The following NAV2 variants were observed in gnomAD, a reference collection of about 807,000 sequenced individuals.
NAV2 encodes helicase, APC down-regulated 1.
A neutral mutation model predicts 223.2 loss-of-function variants in NAV2; 54 were observed. The observed-to-expected ratio is 0.24, with a 90% CI of 0.19 to 0.30. The LOEUF (loss-of-function observed/expected upper bound fraction) is 0.30. NAV2 is among the 10% of genes least tolerant of loss of function. The probability of loss-of-function intolerance (pLI) is 1.00; values close to 1 mark genes in which losing one functional copy is unlikely to be tolerated. For missense variants in NAV2, 2,806 were observed against 3,147.5 expected (o/e 0.89, Z 2.60); for synonymous variants, 1,279 against 1,239.3 (o/e 1.03, Z -0.67).
chr11:19,552,645 G>A (rs375986012), intron 1 of NAV2, among the ~76,000 whole-genome samples: 81 of 152,320 alleles, frequency 5.3e-4, no homozygotes, highest in African/African-American at 1.9e-3. Context: ...AAGGACGGTA[G>A]GACCATAAAT....
chr11:19,877,043 G>A (rs1290624771), intron 4 of NAV2, among the ~76,000 whole-genome samples: 2 of 151,418 alleles, frequency 1.3e-5, no homozygotes, highest in Admixed American at 6.6e-5. Context: ...AAAACATGAT[G>A]GCTATACAAG....
intron 1 of NAV2, among the ~76,000 whole-genome samples, chr11:19,604,479 G>A (rs1322846782): frequency 6.6e-6 from 1 of 152,146 alleles, no homozygotes; most frequent in African/African-American, 2.4e-5. Context: ...TGGGGTTGGG[G>A]AACTGCAAGA....
intron 1 of NAV2, among the ~76,000 whole-genome samples, chr11:19,393,265 T>A (rs1194216134): frequency 1.3e-5 from 2 of 152,348 alleles, no homozygotes; most frequent in East Asian, 3.9e-4. Flanking sequence ...AGTTTCATTC[T>A]TCTCATGCTG....
intron 1 of NAV2, among the ~76,000 whole-genome samples, chr11:19,416,962 C>T (rs1423062700): frequency 6.6e-6 from 1 of 152,208 alleles, no homozygotes; most frequent in African/African-American, 2.4e-5. Context: ...GGATTAAAGA[C>T]TTAAACGTAA....
chr11:19,885,180 G>A (rs750842240), intron 5 of NAV2, among the ~76,000 whole-genome samples: 1 of 152,214 alleles, frequency 6.6e-6, no homozygotes, highest in African/African-American at 2.4e-5. Context: ...GCTTCATGAG[G>A]TAGGTCATAT....
At chr11:19,372,332 C>T (rs1045577227) in intron 1 of NAV2, among the ~76,000 whole-genome samples, 8 of 152,200 alleles carry the variant, frequency 5.3e-5, no homozygotes, top group Non-Finnish European at 1.2e-4. Flanking sequence ...CTTCTGACTC[C>T]TTCAATCAGG....
At chr11:19,984,801 G>A (rs929011227) in intron 11 of NAV2, among the ~76,000 whole-genome samples, 3 of 152,204 alleles carry the variant, frequency 2.0e-5, no homozygotes, top group Non-Finnish European at 4.4e-5. Context: ...GAAGAAAAGA[G>A]GTTCAGAAAA....
chr11:19,777,990 A>T (rs1315302400), intron 1 of NAV2: 7 of 455,720 alleles, frequency 1.5e-5, no homozygotes, highest in African/African-American at 1.4e-4. Context: ...CGAGTGAGTG[A>T]GTATGCACCG....
chr11:19,695,903 A>AATAAAATAAT (rs1410360258), intron 1 of NAV2, among the ~76,000 whole-genome samples: 3 of 150,994 alleles, frequency 2.0e-5, no homozygotes, highest in African/African-American at 7.2e-5. Context: ...AATAAAATAA[A>AATAAAATAAT]ATAAAATAAA....
At chr11:19,652,000 C>A (rs76658563) in intron 1 of NAV2, among the ~76,000 whole-genome samples, 3 of 152,218 alleles carry the variant, frequency 2.0e-5, no homozygotes, top group South Asian at 4.2e-4. Flanking sequence ...TGAGTGACAG[C>A]GTAAGAAAGC....
At chr11:19,471,299 A>G (rs2041957812) in intron 1 of NAV2, among the ~76,000 whole-genome samples, 1 of 152,184 alleles carries the variant, frequency 6.6e-6, no homozygotes, top group Non-Finnish European at 1.5e-5. Context: ...GTGAGTTGGA[A>G]ACAGTAATAC....
At chr11:19,350,851 C>T in exon 1 of NAV2, 7 of 1,167,946 alleles carry the variant, frequency 6.0e-6, no homozygotes, top group Non-Finnish European at 8.8e-6. Context: ...CTGGCGGGAA[C>T]TCTGTCTGGC....
chr11:19,887,258 C>A (rs959388822), intron 5 of NAV2, among the ~76,000 whole-genome samples: 1 of 152,042 alleles, frequency 6.6e-6, no homozygotes, highest in African/African-American at 2.4e-5. Context: ...TGGGGAGGGG[C>A]GTATGGAGGG....
chr11:19,796,206 G>T (rs1397774565), intron 1 of NAV2, among the ~76,000 whole-genome samples: 1 of 152,186 alleles, frequency 6.6e-6, no homozygotes, highest in Non-Finnish European at 1.5e-5. Context: ...TGGAAGAAAA[G>T]AAATGAGAAG....
At chr11:19,832,384 C>A in intron 1 of NAV2, 100 bp from the exon 2 acceptor site, 1 of 831,372 alleles carries the variant, frequency 1.2e-6, no homozygotes, top group Non-Finnish European at 2.0e-6. Flanking sequence ...GAAAGCTCAC[C>A]AATGGGACAG....
chr11:19,851,634 T>C (rs1018903039), intron 3 of NAV2, among the ~76,000 whole-genome samples: 1 of 152,198 alleles, frequency 6.6e-6, no homozygotes, highest in Non-Finnish European at 1.5e-5. Context: ...AGTGAGAAGG[T>C]CATTCCCTGC....
chr11:20,054,914 G>C (rs1591881089), intron 18 of NAV2, among the ~76,000 whole-genome samples: 2 of 152,198 alleles, frequency 1.3e-5, no homozygotes, highest in Middle Eastern at 3.2e-3. Context: ...ATGAAATCAT[G>C]TAAAAGCTGA....
chr11:19,678,732 A>G (rs1370422743), intron 1 of NAV2, among the ~76,000 whole-genome samples: 1 of 152,264 alleles, frequency 6.6e-6, no homozygotes, highest in African/African-American at 2.4e-5. Context: ...GAGATACCAC[A>G]TAGCCATTCA....
intron 1 of NAV2, among the ~76,000 whole-genome samples, chr11:19,438,246 C>A (rs1265360597): frequency 1.3e-5 from 2 of 152,162 alleles, no homozygotes; most frequent in Admixed American, 6.5e-5. Context: ...TAACAGCAAC[C>A]TCATGGGTAC....
Sources: allele counts gnomAD v4.1 joint callset (sites outside exome capture counted in the v4.1 genomes callset), GRCh38; gene constraint gnomAD v4.1.1; transcripts MANE v1.5; gene names NCBI Gene and HGNC (gene_info 2026-07-23, HGNC 2026-07-21).